NISCH: variants seen among roughly 807,000 people sequenced by gnomAD.
The protein encoded by NISCH is nischarin.
Under a neutral mutation model 138.4 loss-of-function variants are expected in NISCH, and 55 were observed. That is an observed-to-expected ratio of 0.40 (90% CI 0.32 to 0.50). The LOEUF (loss-of-function observed/expected upper bound fraction) is 0.50, where lower values mean the gene tolerates loss of function less well. Among genes scored for constraint, NISCH ranks in the 20% least tolerant of loss-of-function variants. NISCH has a pLI of 0.71. For synonymous variants in NISCH, 860 were observed against 861.5 expected, an observed-to-expected ratio of 1.00 and a Z score of 0.03; for missense variants, 1,643 against 2,005.5, an observed-to-expected ratio of 0.82 and a Z score of 3.45.
At chr3:52,471,557 G>A (rs1706947042) in intron 4 of NISCH, 1 of 566,500 alleles carries the variant, frequency 1.8e-6, no homozygotes, top group Non-Finnish European at 3.1e-6. Context: ...TCTCGACTCG[G>A]CCTCACTCCT....
intron 14 of NISCH, 127 bp from the exon 15 acceptor site, chr3:52,485,651 G>A (rs913860309): frequency 4.9e-6 from 5 of 1,030,506 alleles, no homozygotes; most frequent in East Asian, 5.3e-5. Context: ...AGGGTACAGC[G>A]TGGGGATGGG....
intron 4 of NISCH, chr3:52,471,234 T>C: frequency 2.3e-6 from 1 of 433,572 alleles, no homozygotes; most frequent in Non-Finnish European, 4.2e-6. Flanking sequence ...AGAGCACAGT[T>C]ATAGTAGCTC....
intron 4 of NISCH, chr3:52,471,402 C>A (rs909266905): frequency 1.0e-5 from 3 of 294,444 alleles, no homozygotes; most frequent in Non-Finnish European, 1.9e-5. Context: ...GGGCTCAGAA[C>A]CCATCCTGCT....
intron 20 of NISCH, 114 bp downstream of exon 20, chr3:52,491,627 T>G (rs1343430221): frequency 2.3e-6 from 3 of 1,283,766 alleles, no homozygotes; most frequent in Non-Finnish European, 3.2e-6. Flanking sequence ...CTTTTCTCAC[T>G]TAGCTGGCCA....
chr3:52,479,615 A>G, intron 11 of NISCH, 134 bp from the exon 12 acceptor site: 1 of 685,268 alleles, frequency 1.5e-6, no homozygotes, highest in Non-Finnish European at 2.5e-6. Flanking sequence ...GCAGGTGCTC[A>G]CGCCTCCTCC....
chr3:52,486,039 C>T (rs1048594829), intron 15 of NISCH, among the ~76,000 whole-genome samples: 4 of 152,232 alleles, frequency 2.6e-5, no homozygotes, highest in African/African-American at 9.6e-5. Context: ...GCACATGTTG[C>T]CCTACACCAG....
At chr3:52,479,993 C>A in intron 12 of NISCH, 131 bp downstream of exon 12, 1 of 960,662 alleles carries the variant, frequency 1.0e-6, no homozygotes, top group Non-Finnish European at 1.6e-6. Context: ...GGCTGCATGA[C>A]CTCGGGCAAG....
At chr3:52,481,612 A>T (rs942446872) in intron 13 of NISCH, 10 of 985,766 alleles carry the variant, frequency 1.0e-5, no homozygotes, top group Non-Finnish European at 1.2e-5. Flanking sequence ...AAGGCCAGGG[A>T]CACAGCCATT....
chr3:52,473,101 G>T (rs1706997401), intron 6 of NISCH, among the ~76,000 whole-genome samples: 1 of 152,222 alleles, frequency 6.6e-6, no homozygotes. Flanking sequence ...GGAAACCTGG[G>T]ATTTGAATTC....
At chr3:52,485,640 C>T (rs960537161) in intron 14 of NISCH, 138 bp from the exon 15 acceptor site, 3 of 929,746 alleles carry the variant, frequency 3.2e-6, no homozygotes, top group Non-Finnish European at 5.0e-6. Flanking sequence ...GAGTGGGCTC[C>T]AGGGTACAGC....
intron 18 of NISCH, among the ~76,000 whole-genome samples, 175 bp downstream of exon 18, chr3:52,490,406 G>A (rs1707531060): frequency 6.6e-6 from 1 of 152,208 alleles, no homozygotes; most frequent in African/African-American, 2.4e-5. Flanking sequence ...GGGGTCCATG[G>A]CCAGATGTGA....
intron 19 of NISCH, 85 bp from the exon 20 acceptor site, chr3:52,491,267 G>T: frequency 2.0e-6 from 3 of 1,512,952 alleles, no homozygotes; most frequent in South Asian, 2.7e-5. Flanking sequence ...GCTGAGGCTT[G>T]CTAGGGACTC....
At position 52,485,253 on chromosome 3, in the gene NISCH, G is replaced by T. The variant is rs1019044414; in HGVS notation, c.1654-525G>T. On this transcript the variant is annotated intron_variant, in intron 14 of 20. Coordinates refer to ENST00000345716, the MANE Select transcript of NISCH (RefSeq NM_007184.4). ...AGCCCCATCTCTGCAGCAGCACAAG[G>T]TTATGGCCTTGTGACACTGGGACAG... is the stretch of plus-strand genomic sequence containing the variant. Among the ~76,000 whole-genome samples, 7 of 152,340 alleles carry T rather than the reference G, an allele frequency of 4.6e-5. No homozygotes were observed. The South Asian group carries it at 1.0e-3, about 23-fold the overall frequency.
intron 3 of NISCH, among the ~76,000 whole-genome samples, chr3:52,461,237 GA>G (rs1706623788): frequency 6.6e-6 from 1 of 151,914 alleles, no homozygotes; most frequent in African/African-American, 2.4e-5. Flanking sequence ...CTGTCTCAAA[GA>G]AAAAAACAAA....
intron 16 of NISCH, among the ~76,000 whole-genome samples, chr3:52,488,870 G>A (rs1419923300): frequency 6.6e-6 from 1 of 152,138 alleles, no homozygotes; most frequent in East Asian, 1.9e-4. Context: ...ACCCATGAAG[G>A]GCAGGCCAAG....
At chr3:52,481,137 T>C in intron 13 of NISCH, 1 of 1,260,796 alleles carries the variant, frequency 7.9e-7, no homozygotes. Context: ...GATTTTCTCT[T>C]AGAGGGATAA....
chr3:52,459,714 G>A (rs1024775737), intron 3 of NISCH, among the ~76,000 whole-genome samples: 3 of 151,802 alleles, frequency 2.0e-5, no homozygotes, highest in Middle Eastern at 3.2e-3. Context: ...GATTACAGGC[G>A]TGTGCCACCG....
chr3:52,473,693 C>A, intron 6 of NISCH, 41 bp from the exon 7 acceptor site: 1 of 1,430,438 alleles, frequency 7.0e-7, no homozygotes, highest in Non-Finnish European at 9.8e-7. Context: ...TCTGACGGAG[C>A]AAGGATTCTG....
chr3:52,477,972 A>G, intron 9 of NISCH, 125 bp from the exon 10 acceptor site: 1 of 976,290 alleles, frequency 1.0e-6, no homozygotes, highest in Non-Finnish European at 1.6e-6. Context: ...TCCTAAAATA[A>G]CTGTCAGAGT....
Sources: gnomAD v4.1 joint callset for allele counts (sites outside exome capture counted in the v4.1 genomes callset) on GRCh38, gnomAD v4.1.1 for gene constraint, MANE v1.5 for transcripts, NCBI Gene and HGNC (gene_info 2026-07-23, HGNC 2026-07-21) for gene names.